RBFOX3: variants seen among roughly 807,000 people sequenced by gnomAD.
The protein encoded by RBFOX3 is RNA binding protein fox-1 homolog 3.
A neutral mutation model predicts 48.7 loss-of-function variants in RBFOX3; 17 were observed. That is an observed-to-expected ratio of 0.35 (90% CI 0.24 to 0.52). The LOEUF (loss-of-function observed/expected upper bound fraction) is 0.52, where lower values mean the gene tolerates loss of function less well. Ranked by LOEUF, RBFOX3 falls within the 20% of genes least tolerant of loss-of-function variation. RBFOX3 has a pLI of 0.94. For synonymous variants in RBFOX3, 212 were observed against 209.5 expected, an observed-to-expected ratio of 1.01 and a Z score of -0.10; for missense variants, 382 against 497.5, an observed-to-expected ratio of 0.77 and a Z score of 2.21.
chr17:79,645,263 G>A, the RBFOX3 span, among the ~76,000 whole-genome samples: 4 of 152,102 alleles, frequency 2.6e-5, no homozygotes, highest in South Asian at 2.1e-4. Context: ...AAAACCTTGC[G>A]TGCAATGTCC....
intron 2 of RBFOX3, among the ~76,000 whole-genome samples, chr17:79,322,954 T>A (rs892917416): frequency 6.6e-6 from 1 of 152,230 alleles, no homozygotes; most frequent in Non-Finnish European, 1.5e-5. Context: ...TGTGGCCAGC[T>A]GGCCCTGAGC....
At chr17:79,400,066 T>G (rs138788558) in intron 2 of RBFOX3, among the ~76,000 whole-genome samples, 1 of 152,020 alleles carries the variant, frequency 6.6e-6, no homozygotes, top group Non-Finnish European at 1.5e-5. Context: ...ACACTGCCCC[T>G]GGGATCAGGA....
At chr17:79,613,075 T>C (rs1015749579), upstream of RBFOX3, among the ~76,000 whole-genome samples, 128 of 152,346 alleles carry the variant, frequency 8.4e-4, 3 homozygotes, top group South Asian at 0.026. Context: ...TGGGGACACA[T>C]TGACCTGGCA....
At position 79,362,509 on chromosome 17, in the gene RBFOX3, G is replaced by A. The variant is rs1421616983; in HGVS notation, c.-174-54685C>T. 2.0e-5 allele frequency among the ~76,000 whole-genome samples: 3 copies of A among 152,240 alleles called. No individual in the cohort carries two copies. The highest frequency in any genetic ancestry group is 6.5e-5 in the Admixed American group (1 of 15,288). ...GGCCTGGATGGCACTAGGCTGAGGG[G>A]AGCAGGGGGAGCAGTGTCAGCAGGG... On this transcript the variant is annotated intron_variant, in intron 2 of 14. Coordinates refer to ENST00000693108, the MANE Select transcript of RBFOX3 (RefSeq NM_001350451.2). This position sits in a 1 kb window ranked among gnomAD's most constrained non-coding sequence, Gnocchi z 4.2.
intron 2 of RBFOX3, among the ~76,000 whole-genome samples, chr17:79,429,942 C>A (rs147372923): frequency 2.0e-5 from 3 of 152,188 alleles, no homozygotes; most frequent in African/African-American, 2.4e-5. Flanking sequence ...TTGACCTCTG[C>A]GAATCCAGAA....
chr17:79,463,469 GCCACCT>G (rs2075791989), intron 2 of RBFOX3, among the ~76,000 whole-genome samples: 1 of 120,678 alleles, frequency 8.3e-6, no homozygotes, highest in African/African-American at 3.2e-5. Flanking sequence ...CATCACCACT[GCCACCT>G]CCACTGCCAT....
rs191940498 is a variant in RBFOX3, at chr17:79,453,230, A to C, written c.-175+29224T>G. ...TTGGCTCTGCCCAGACCCAGCGGCC[A>C]TGCTGGCCACACCCTAAGTCCAGAG... is the stretch of plus-strand genomic sequence containing the variant. On this transcript the variant is annotated intron_variant, in intron 2 of 14. Transcript: ENST00000693108. 1.1e-3 allele frequency among the ~76,000 whole-genome samples: 163 copies of C among 152,332 alleles called. 1 individual carries two copies. The highest frequency in any genetic ancestry group is 0.011 in the Admixed American group (161 of 15,310).
chr17:79,378,922 C>T (rs1041936997), intron 2 of RBFOX3, among the ~76,000 whole-genome samples: 3 of 152,224 alleles, frequency 2.0e-5, no homozygotes, highest in Non-Finnish European at 4.4e-5. Context: ...TTTGCCTCTG[C>T]TCCAGCCCCA....
At chr17:79,436,563 C>G (rs544431819) in intron 2 of RBFOX3, among the ~76,000 whole-genome samples, 1 of 152,234 alleles carries the variant, frequency 6.6e-6, no homozygotes, top group African/African-American at 2.4e-5. Flanking sequence ...GGTGGAAGAG[C>G]AATAGGCAGA....
chr17:79,140,011 C>G (rs913292207), intron 4 of RBFOX3, among the ~76,000 whole-genome samples: 9 of 152,348 alleles, frequency 5.9e-5, no homozygotes, highest in African/African-American at 2.2e-4. Flanking sequence ...GTCTCACTCC[C>G]AGGCCCATCT....
At chr17:79,503,438 A>T (rs2082634693) in intron 1 of RBFOX3, among the ~76,000 whole-genome samples, 1 of 152,234 alleles carries the variant, frequency 6.6e-6, no homozygotes, top group South Asian at 2.1e-4. Context: ...TTTTCATGAT[A>T]TGTGTATTTA....
At chr17:79,469,582 C>G (rs1188479439) in intron 2 of RBFOX3, among the ~76,000 whole-genome samples, 2 of 152,286 alleles carry the variant, frequency 1.3e-5, no homozygotes, top group South Asian at 2.1e-4. Flanking sequence ...ACATGCCCCA[C>G]CCCACCACCC....
chr17:79,139,708 C>T (rs759046331), intron 4 of RBFOX3, among the ~76,000 whole-genome samples: 9 of 152,226 alleles, frequency 5.9e-5, no homozygotes, highest in African/African-American at 9.6e-5. Context: ...CACCACCAAC[C>T]GCGAAAAAGG....
chr17:79,542,047 T>G (rs1268394294), intron 1 of RBFOX3, among the ~76,000 whole-genome samples: 5 of 151,884 alleles, frequency 3.3e-5, no homozygotes, highest in African/African-American at 1.2e-4. Context: ...ACCTTTTTTT[T>G]TTTTCATGTA....
At chr17:79,271,984 G>A (rs945048558) in intron 3 of RBFOX3, among the ~76,000 whole-genome samples, 5 of 152,218 alleles carry the variant, frequency 3.3e-5, no homozygotes, top group East Asian at 3.9e-4. Context: ...CCCTTCCCGC[G>A]GAATATATGT....
intron 3 of RBFOX3, among the ~76,000 whole-genome samples, chr17:79,272,217 C>T (rs1248799116): frequency 6.6e-6 from 1 of 152,108 alleles, no homozygotes; most frequent in African/African-American, 2.4e-5. Context: ...TATTGGCAGC[C>T]ACTGGTTACA....
At chr17:79,325,659 A>T (rs752515482) in intron 2 of RBFOX3, among the ~76,000 whole-genome samples, 4 of 152,136 alleles carry the variant, frequency 2.6e-5, no homozygotes, top group Non-Finnish European at 5.9e-5. Flanking sequence ...AAAAAACAAA[A>T]AGCACAACCA....
intron 2 of RBFOX3, among the ~76,000 whole-genome samples, chr17:79,399,534 AG>A (rs1185612519): frequency 1.3e-5 from 2 of 151,988 alleles, no homozygotes; most frequent in Non-Finnish European, 2.9e-5. Flanking sequence ...TTTCACCATC[AG>A]GGGTCATCAA....
intron 4 of RBFOX3, among the ~76,000 whole-genome samples, chr17:79,170,744 T>A (rs1221681843): frequency 6.6e-6 from 1 of 152,158 alleles, no homozygotes. Context: ...CTTTCCTTAC[T>A]TGTAAATCTG....
Sources: allele counts gnomAD v4.1 joint callset (sites outside exome capture counted in the v4.1 genomes callset), GRCh38; gene constraint gnomAD v4.1.1; non-coding constraint Gnocchi (gnomAD v3.1); transcripts MANE v1.5; gene names NCBI Gene and HGNC (gene_info 2026-07-23, HGNC 2026-07-21).